Variants in DOCK11 observed in about 807,000 individuals in gnomAD.
DOCK11 encodes the protein dedicator of cytokinesis protein 11.
Under a neutral mutation model 169.1 loss-of-function variants are expected in DOCK11, and 70 were observed. That is an observed-to-expected ratio of 0.41 (90% CI 0.34 to 0.51). The LOEUF (loss-of-function observed/expected upper bound fraction) is 0.51. Among genes scored for constraint, DOCK11 ranks in the 20% least tolerant of loss-of-function variants. The pLI, the probability that DOCK11 is intolerant of heterozygous loss-of-function variation, is 0.10. For missense variants in DOCK11, 1,166 were observed against 1,538.8 expected, an observed-to-expected ratio of 0.76 and a Z score of 4.05; for synonymous variants, 529 against 541.3, an observed-to-expected ratio of 0.98 and a Z score of 0.32.
Position 118,628,201 on chromosome X carries a change from G to C in DOCK11, c.3703G>C (p.Glu1235Gln), listed in dbSNP as rs751933107. ...TCAAAATGGACATGGAATTAAGAGAGAAGATTCAAGAGGTTCCCTCATCCC... is the reference window on the plus strand; with the variant it reads ...TCAAAATGGACATGGAATTAAGAGACAAGATTCAAGAGGTTCCCTCATCCC... ...SFQNGHGIKR[E>Q]DSRGSLIPEG... Residue 1235 changes from glutamate to glutamine, a missense_variant, in exon 34 of 53, where the codon GAA (glutamate) becomes CAA (glutamine). Transcript: ENST00000276202. 2.5e-6 allele frequency: 3 copies of C among 1,205,435 alleles called. No homozygotes were observed. In the African/African-American group the frequency reaches 5.3e-5, roughly 21 times the overall value.
At chrX:118,635,610 C>T (rs183726871) in intron 35 of DOCK11, among the ~76,000 whole-genome samples, 7 of 111,440 alleles carry the variant, frequency 6.3e-5, no homozygotes, top group African/African-American at 1.6e-4. Flanking sequence ...TTTTTTGAGA[C>T]GGAGTCTCAC....
rs1378389922 is a variant in DOCK11, at chrX:118,599,178, A to C, written c.2512A>C (p.Ile838Leu). The part of the protein sequence containing the change: ...VHKFFHHCQL[I>L]QSGSKEVPGE... Reference sequence around the variant, plus strand: ...CAAATTCTTCCATCATTGCCAGCTGATTCAGTCAGGCTCGAAAGAAGTTCC... The same window carrying C: ...CAAATTCTTCCATCATTGCCAGCTGCTTCAGTCAGGCTCGAAAGAAGTTCC... Residue 838 changes from isoleucine to leucine, a missense_variant, in exon 23 of 53, where the codon ATT (isoleucine) becomes CTT (leucine). Ile to Leu is a conservative substitution (Grantham distance 5). Coordinates refer to ENST00000276202, the MANE Select transcript of DOCK11 (RefSeq NM_144658.4). The C allele has an allele frequency of 8.3e-7, 1 of 1,211,142 alleles. No individual in the cohort carries two copies. Among genetic ancestry groups the C allele is most frequent in the Non-Finnish European group, 1.1e-6 (1 of 895,022 alleles).
At chrX:118,662,850 A>G (rs2016250644) in intron 45 of DOCK11, 58 bp downstream of exon 45, 1 of 710,018 alleles carries the variant, frequency 1.4e-6, no homozygotes, top group Non-Finnish European at 2.2e-6. Flanking sequence ...TAAAATTCAT[A>G]TATATTAAAC....
At chrX:118,685,288 G>C (rs2016833378) in intron 52 of DOCK11, among the ~76,000 whole-genome samples, 1 of 111,872 alleles carries the variant, frequency 8.9e-6, no homozygotes, top group Non-Finnish European at 1.9e-5. Context: ...ATAGGTATCT[G>C]CATGTTTCAA....
Position 118,637,709 on chromosome X carries a change from C to T in DOCK11, c.3954-371C>T, listed in dbSNP as rs962598749. ...GGGAGGTCGAGGCTGCAGTGAGCCG[C>T]GCATGATCATTCCACTGCCTTCCAG... On this transcript the variant is annotated intron_variant, in intron 36 of 52. Coordinates refer to ENST00000276202, the MANE Select transcript of DOCK11 (RefSeq NM_144658.4). Among the ~76,000 whole-genome samples the T allele has an allele frequency of 2.7e-5, 3 of 111,493 alleles. No homozygotes were observed. In the East Asian group the frequency reaches 8.4e-4, roughly 31 times the overall value.
intron 46 of DOCK11, among the ~76,000 whole-genome samples, chrX:118,673,547 G>A (rs991992305): frequency 5.4e-5 from 6 of 111,943 alleles, no homozygotes; most frequent in African/African-American, 1.6e-4. Context: ...AAAACTATCA[G>A]AGATAGCAGC....
At chrX:118,607,274 A>G (rs762582418) in intron 24 of DOCK11, among the ~76,000 whole-genome samples, 115 of 97,705 alleles carry the variant, frequency 1.2e-3, no homozygotes, top group African/African-American at 4.2e-3. Flanking sequence ...CCACCACCAC[A>G]CCCAGCTAAT....
rs2016676322 is a variant in DOCK11, at chrX:118,678,964, T to C, written c.5461-1518T>C. 2.7e-5 allele frequency among the ~76,000 whole-genome samples: 3 copies of C among 110,834 alleles called. No individual in the cohort carries two copies. The South Asian group carries it at 1.1e-3, about 42-fold the overall frequency. On this transcript the variant is annotated intron_variant, in intron 48 of 52. Coordinates refer to ENST00000276202, the MANE Select transcript of DOCK11 (RefSeq NM_144658.4). ...TTTTGTTTCTTGTGGGGTTTTTGTG[T>C]GTGTGTGTGTGGAGACGGGGTCTCA...
In DOCK11 at chrX:118,567,645, C is replaced by T. The variant is rs182382551; in HGVS notation, c.952-434C>T. Among the ~76,000 whole-genome samples the T allele has an allele frequency of 4.4e-3, 490 of 110,775 alleles. 2 individuals carry two copies. The highest frequency in any genetic ancestry group is 0.015 in the African/African-American group (458 of 30,448). On this transcript the variant is annotated intron_variant, in intron 9 of 52. Transcript: ENST00000276202. ...ACAGGGTTTCACCTTGTTGGCCAGG[C>T]TGGTCTTGAACTCCTGGCCTCGAGT... is the stretch of plus-strand genomic sequence containing the variant.
At chrX:118,497,718 G>A (rs150187339) in intron 1 of DOCK11, among the ~76,000 whole-genome samples, 148 of 111,985 alleles carry the variant, frequency 1.3e-3, no homozygotes, top group Middle Eastern at 9.3e-3. Flanking sequence ...AGCAGAGAAC[G>A]CTTTCCTAAA....
At chrX:118,598,193 A>G (rs1314751923) in intron 22 of DOCK11, 77 bp downstream of exon 22, 7 of 758,327 alleles carry the variant, frequency 9.2e-6, no homozygotes, top group Admixed American at 2.5e-5. Flanking sequence ...TTTGATTCCT[A>G]CAGCCTTAGA....
chrX:118,536,691 C>T (rs990869741), intron 1 of DOCK11, among the ~76,000 whole-genome samples: 4 of 111,708 alleles, frequency 3.6e-5, no homozygotes, highest in African/African-American at 1.3e-4. Context: ...GATCAGCTCT[C>T]ACATCTTGGG....
chrX:118,591,769 C>T (rs2014000905), intron 19 of DOCK11, among the ~76,000 whole-genome samples: 1 of 55,177 alleles, frequency 1.8e-5, no homozygotes, highest in Non-Finnish European at 4.1e-5. Flanking sequence ...TCTCCTAATG[C>T]TGTCCCTCCC....
At chrX:118,537,485 T>A (rs1460753418) in intron 1 of DOCK11, among the ~76,000 whole-genome samples, 2 of 112,223 alleles carry the variant, frequency 1.8e-5, no homozygotes, top group Non-Finnish European at 3.8e-5. Context: ...CAGGCTCATT[T>A]TGCATTGCTT....
At chrX:118,683,580 C>G in intron 52 of DOCK11, among the ~76,000 whole-genome samples, 1 of 111,712 alleles carries the variant, frequency 9.0e-6, no homozygotes, top group Middle Eastern at 4.6e-3. Flanking sequence ...AGCAAAAATT[C>G]CTCCTTCACA....
In DOCK11 at chrX:118,685,962, AT is replaced by A. The variant is rs1418244539; in HGVS notation, c.*156del. 1.7e-5 allele frequency: 12 copies of A among 692,212 alleles called. No individual in the cohort carries two copies. The Middle Eastern group carries it at 1.1e-3, about 66-fold the overall frequency. The allele number at this position is 692,212 out of a possible 1,213,427, so 57.0% of individuals were successfully genotyped here. A position where few individuals can be genotyped will look rare whatever the true frequency, so the allele number is the denominator to read the frequency against. On this transcript the variant is annotated 3_prime_UTR_variant, in exon 53 of 53. Coordinates refer to ENST00000276202, the MANE Select transcript of DOCK11 (RefSeq NM_144658.4). ...CAACAGGGTGCTTACATATTTGTAA[AT>A]AAGCAACTTGAAAGTGCCTGGAAAA... is the stretch of plus-strand genomic sequence containing the variant.
chrX:118,678,967 G>A (rs953941962), intron 48 of DOCK11, among the ~76,000 whole-genome samples: 1 of 110,903 alleles, frequency 9.0e-6, no homozygotes, highest in Non-Finnish European at 1.9e-5. Flanking sequence ...TTTTGTGTGT[G>A]TGTGTGTGGA....
At chrX:118,636,477 T>A in intron 36 of DOCK11, 65 bp downstream of exon 36, 1 of 560,569 alleles carries the variant, frequency 1.8e-6, no homozygotes, top group Non-Finnish European at 2.7e-6. Context: ...ACTGTTACAA[T>A]TTTTTCTGTT....
chrX:118,652,177 A>C, intron 42 of DOCK11, 100 bp downstream of exon 42: 1 of 504,124 alleles, frequency 2.0e-6, no homozygotes, highest in South Asian at 3.4e-5. Flanking sequence ...GTTAGTATAG[A>C]ATGTACGGAA....
Sources: allele counts gnomAD v4.1 joint callset (sites outside exome capture counted in the v4.1 genomes callset), GRCh38; gene constraint gnomAD v4.1.1; transcripts MANE v1.5; gene names NCBI Gene and HGNC (gene_info 2026-07-23, HGNC 2026-07-21).